PTPRD: variants seen among roughly 807,000 people sequenced by gnomAD.
PTPRD encodes protein tyrosine phosphatase receptor type D.
Under a neutral mutation model 214.5 loss-of-function variants are expected in PTPRD, and 34 were observed. The observed-to-expected ratio is 0.16, with a 90% CI of 0.12 to 0.21. The LOEUF is 0.21. Ranked by LOEUF, PTPRD falls within the 10% of genes least tolerant of loss-of-function variation. PTPRD has a pLI of 1.00. For missense variants in PTPRD, 2,545 were observed against 2,398.7 expected, an observed-to-expected ratio of 1.06 and a Z score of -1.27; for synonymous variants, 1,128 against 845.7, an observed-to-expected ratio of 1.33 and a Z score of -5.79.
intron 7 of PTPRD, among the ~76,000 whole-genome samples, chr9:9,725,879 A>T (rs2098080845): frequency 6.6e-6 from 1 of 152,078 alleles, no homozygotes; most frequent in South Asian, 2.1e-4. Flanking sequence ...TAATCGTTGG[A>T]TGTTTCATTC....
chr9:9,418,733 G>T (rs898472963), intron 8 of PTPRD, among the ~76,000 whole-genome samples: 1 of 151,866 alleles, frequency 6.6e-6, no homozygotes, highest in Non-Finnish European at 1.5e-5. Flanking sequence ...TACAAATATG[G>T]ATTAGACATA....
At chr9:10,470,485 T>C (rs1286347890) in intron 2 of PTPRD, among the ~76,000 whole-genome samples, 3 of 152,164 alleles carry the variant, frequency 2.0e-5, no homozygotes, top group African/African-American at 7.2e-5. Flanking sequence ...TATGTTTCAA[T>C]GTATATTATG....
intron 2 of PTPRD, among the ~76,000 whole-genome samples, chr9:10,521,129 A>G (rs889771671): frequency 1.7e-4 from 26 of 152,102 alleles, no homozygotes; most frequent in African/African-American, 5.6e-4. Flanking sequence ...AGGATTCACC[A>G]TTCTAGATGC....
At chr9:9,706,788 G>A (rs1306625611) in intron 7 of PTPRD, among the ~76,000 whole-genome samples, 1 of 151,934 alleles carries the variant, frequency 6.6e-6, no homozygotes, top group Admixed American at 6.6e-5. Context: ...TTTGTCCACC[G>A]GAAACATATA....
At position 8,917,514 on chromosome 9, in the gene PTPRD, C is replaced by T. The variant is rs186020427; in HGVS notation, c.-104+101183G>A. Among the ~76,000 whole-genome samples the T allele has an allele frequency of 6.4e-4, 98 of 152,150 alleles. 1 individual carries two copies. The highest frequency in any genetic ancestry group is 2.1e-3 in the African/African-American group (88 of 41,502). ...GGTCTAAGCTGTGGTCTACTTGTAA[C>T]AATCAGAAACAGGAAACTCAGAGCA... is the stretch of plus-strand genomic sequence containing the variant. On this transcript the variant is annotated intron_variant, in intron 11 of 45. Coordinates refer to ENST00000381196, the MANE Select transcript of PTPRD (RefSeq NM_002839.4).
Position 8,633,319 on chromosome 9 carries a change from C to A in PTPRD, c.350G>T (p.Arg117Leu), listed in dbSNP as rs778130827. 2.7e-5 allele frequency: 43 copies of A among 1,610,824 alleles called. No homozygotes were observed. The highest frequency in any genetic ancestry group is 3.4e-5 in the Admixed American group (2 of 59,390). ...ISVSTRLTVLREDQIPRGFPT... is the reference protein window; with the variant it reads ...ISVSTRLTVLLEDQIPRGFPT... ...ACAACCTTCACTTGAGCACTTACCC[C>A]GCAAAACTGTGAGTCTGGTGGATAC... Residue 117 changes from arginine (R) to leucine (L), a missense_variant and splice_region_variant, in exon 14 of 46, where the codon CGG (arginine) becomes CTG (leucine). By Grantham distance (102) the Arg-to-Leu change is moderately radical (BLOSUM62 -2). Transcript: ENST00000381196.
chr9:10,017,293 CT>C (rs895936617), intron 4 of PTPRD, among the ~76,000 whole-genome samples: 26 of 150,814 alleles, frequency 1.7e-4, no homozygotes, highest in East Asian at 7.8e-4. Flanking sequence ...TTTATTTTAT[CT>C]TTTTTTTTAT....
chr9:10,531,064 G>A (rs1418539433), intron 2 of PTPRD, among the ~76,000 whole-genome samples: 5 of 151,950 alleles, frequency 3.3e-5, no homozygotes, highest in Non-Finnish European at 4.4e-5. Flanking sequence ...ATTCTCCTGC[G>A]TAAGCCTTCC....
intron 9 of PTPRD, among the ~76,000 whole-genome samples, chr9:9,364,533 T>C (rs1228431541): frequency 2.0e-5 from 3 of 151,334 alleles, no homozygotes; most frequent in Admixed American, 6.6e-5. Flanking sequence ...CCTGCACATA[T>C]ACGAGGGAAG....
chr9:9,914,586 G>C (rs2080156247), intron 5 of PTPRD, among the ~76,000 whole-genome samples: 1 of 152,176 alleles, frequency 6.6e-6, no homozygotes, highest in Non-Finnish European at 1.5e-5. Context: ...CTGAACAGCT[G>C]AGGGCCTGCG....
chr9:10,191,638 C>A (rs981347261), intron 3 of PTPRD, among the ~76,000 whole-genome samples: 1 of 152,088 alleles, frequency 6.6e-6, no homozygotes. Context: ...CTCTTTCCCC[C>A]AAATGTCCAT....
intron 2 of PTPRD, among the ~76,000 whole-genome samples, chr9:10,531,229 C>T (rs1386888513): frequency 6.6e-6 from 1 of 152,128 alleles, no homozygotes; most frequent in East Asian, 1.9e-4. Flanking sequence ...GGATTGCAGG[C>T]ATGAGCCACT....
At chr9:10,507,669 G>C (rs2046495816) in intron 2 of PTPRD, among the ~76,000 whole-genome samples, 1 of 152,090 alleles carries the variant, frequency 6.6e-6, no homozygotes, top group South Asian at 2.1e-4. Context: ...TCTAATCTTT[G>C]ACAAACGTGA....
chr9:9,281,172 G>A (rs1472464103), intron 9 of PTPRD, among the ~76,000 whole-genome samples: 1 of 151,120 alleles, frequency 6.6e-6, no homozygotes, highest in African/African-American at 2.4e-5. Context: ...AATAACATAG[G>A]AGAAAATCTG....
intron 10 of PTPRD, among the ~76,000 whole-genome samples, chr9:9,165,509 T>G (rs2130723150): frequency 6.6e-6 from 1 of 152,282 alleles, no homozygotes; most frequent in African/African-American, 2.4e-5. Context: ...TGGCTGCTGT[T>G]TGGGATAGAT....
chr9:8,549,228 C>T (rs930854812), intron 14 of PTPRD, among the ~76,000 whole-genome samples: 4 of 152,014 alleles, frequency 2.6e-5, no homozygotes, highest in Non-Finnish European at 5.9e-5. Flanking sequence ...AAACATTCCA[C>T]CAGTTTTAGG....
chr9:9,698,203 T>G (rs1349503830), intron 7 of PTPRD, among the ~76,000 whole-genome samples: 8 of 152,194 alleles, frequency 5.3e-5, no homozygotes, highest in Admixed American at 4.6e-4. Flanking sequence ...TTTTTTCTTG[T>G]GGAGGTACAC....
chr9:10,087,081 G>T (rs1435281315), intron 3 of PTPRD, among the ~76,000 whole-genome samples: 1 of 147,152 alleles, frequency 6.8e-6, no homozygotes. Context: ...TTTAAGAAAA[G>T]AAAACAAAAA....
chr9:8,556,258 G>C (rs1304570504), intron 14 of PTPRD, among the ~76,000 whole-genome samples: 1 of 152,180 alleles, frequency 6.6e-6, no homozygotes, highest in Non-Finnish European at 1.5e-5. Flanking sequence ...ACTATGTCCA[G>C]AGCATATGTC....
Sources: gnomAD v4.1 joint callset for allele counts (sites outside exome capture counted in the v4.1 genomes callset) on GRCh38, gnomAD v4.1.1 for gene constraint, MANE v1.5 for transcripts, NCBI Gene and HGNC (gene_info 2026-07-23, HGNC 2026-07-21) for gene names.